Variants in EIF3A observed in about 807,000 individuals in gnomAD.
EIF3A encodes the protein EIF3, p180 subunit.
EIF3A carries 21 observed loss-of-function variants against 186.6 expected under a neutral mutation model. The ratio of observed to expected loss-of-function variants is 0.11; its 90% CI spans 0.08 to 0.16. EIF3A has a LOEUF of 0.16. EIF3A is among the 10% of genes least tolerant of loss of function. EIF3A has a pLI of 1.00. For synonymous variants in EIF3A, 563 were observed against 584.3 expected, an observed-to-expected ratio of 0.96 and a Z score of 0.52; for missense variants, 1,306 against 1,796.3, an observed-to-expected ratio of 0.73 and a Z score of 4.93.
At chr10:119,057,597 AAACCCTGTCTCTACT>A (rs2119819275) in intron 12 of EIF3A, among the ~76,000 whole-genome samples, 1 of 152,288 alleles carries the variant, frequency 6.6e-6, no homozygotes, top group African/African-American at 2.4e-5. Context: ...CAACATGGTG[AAACCCTGTCTCTACT>A]AAAAATACAA....
At chr10:119,062,743 C>CTTTTTTTTTTT (rs372690463) in intron 7 of EIF3A, among the ~76,000 whole-genome samples, 3 of 91,048 alleles carry the variant, frequency 3.3e-5, no homozygotes, top group South Asian at 4.2e-4. Flanking sequence ...AAGAGATCAC[C>CTTTTTTTTTTT]TTTTTTTTTT....
intron 14 of EIF3A, among the ~76,000 whole-genome samples, chr10:119,053,557 C>CAA (rs33979018): frequency 3.6e-5 from 4 of 110,548 alleles, no homozygotes; most frequent in Non-Finnish European, 7.4e-5. Context: ...ACTAAAAATA[C>CAA]AAAAAAAAAA....
intron 21 of EIF3A, among the ~76,000 whole-genome samples, 186 bp downstream of exon 21, chr10:119,036,933 T>C (rs1213743905): frequency 1.3e-5 from 2 of 152,168 alleles, no homozygotes; most frequent in African/African-American, 4.8e-5. Flanking sequence ...ACTTTGAATT[T>C]AGAGATAAGT....
intron 17 of EIF3A, among the ~76,000 whole-genome samples, chr10:119,045,223 G>C (rs1188052962): frequency 1.3e-5 from 2 of 152,016 alleles, no homozygotes; most frequent in Non-Finnish European, 2.9e-5. Context: ...GAGATTATAG[G>C]TGTGAGCCAC....
chr10:119,078,597 G>GT (rs1156660531), intron 1 of EIF3A, among the ~76,000 whole-genome samples: 1 of 152,010 alleles, frequency 6.6e-6, no homozygotes, highest in African/African-American at 2.4e-5. Context: ...CAATCCAAAG[G>GT]TATGAGTTTC....
intron 19 of EIF3A, among the ~76,000 whole-genome samples, chr10:119,040,558 G>A (rs1848193809): frequency 6.6e-6 from 1 of 152,210 alleles, no homozygotes; most frequent in Non-Finnish European, 1.5e-5. Context: ...TGTCACCTGT[G>A]TGCAGTACGC....
intron 1 of EIF3A, among the ~76,000 whole-genome samples, chr10:119,076,820 C>T (rs1844182025): frequency 1.3e-5 from 2 of 150,762 alleles, no homozygotes; most frequent in South Asian, 4.2e-4. Flanking sequence ...CCTGTAATCC[C>T]AAATACTCGG....
chr10:119,037,666 T>G (rs1387635533), intron 20 of EIF3A, among the ~76,000 whole-genome samples: 2 of 152,194 alleles, frequency 1.3e-5, no homozygotes, highest in African/African-American at 4.8e-5. Flanking sequence ...CATCGAACAC[T>G]GCTGGTCTAC....
chr10:119,079,957 G>A (rs1008099261), intron 1 of EIF3A, among the ~76,000 whole-genome samples: 1 of 152,112 alleles, frequency 6.6e-6, no homozygotes, highest in Non-Finnish European at 1.5e-5. Flanking sequence ...CAGGCTTTAG[G>A]ACTGCTTCTA....
At position 119,072,024 on chromosome 10, in the gene EIF3A, CAAAAA is replaced by C. The variant is rs56100757; in HGVS notation, c.541+861_541+865del. Among the ~76,000 whole-genome samples the C allele has an allele frequency of 5.8e-3, 343 of 59,478 alleles. 5 individuals carry two copies. The East Asian group carries it at 0.12, about 21-fold the overall frequency. 39.0% of individuals were successfully genotyped at this position (59,478 alleles called of 152,430 possible). ...TGGGCCACAGAGCAAGACTCTGTCTCAAAAAAAAAAAAAAAAAAAAAAGAAAGAAA... is the reference window on the plus strand; with the variant it reads ...TGGGCCACAGAGCAAGACTCTGTCTCAAAAAAAAAAAAAAAAAGAAAGAAA... On this transcript the variant is annotated intron_variant, in intron 4 of 21. Transcript: ENST00000369144.
At position 119,056,920 on chromosome 10, in the gene EIF3A, C is replaced by T. The variant is rs771100111; in HGVS notation, c.2082+16G>A. ...TTAACTTGGTATGTTAAAGGTTTAC[C>T]AACCCTTTCATTTACCTTCTTTTCT... On this transcript the variant is annotated intron_variant, in intron 13 of 21. Coordinates refer to ENST00000369144, the MANE Select transcript of EIF3A (RefSeq NM_003750.4). The T allele has an allele frequency of 6.3e-7, 1 of 1,584,402 alleles. No individual in the cohort carries two copies. The highest frequency in any genetic ancestry group is 8.7e-7 in the Non-Finnish European group (1 of 1,153,550).
chr10:119,042,736 C>G lies in EIF3A; in HGVS notation c.2784G>C (p.Arg928Ser). Reference sequence around the variant, plus strand: ...GCCGCTCTTCATCTCTTCTATGAGACCTGTCCTCATCTCGCCCTTCTCCAC... The same window carrying G: ...GCCGCTCTTCATCTCTTCTATGAGAGCTGTCCTCATCTCGCCCTTCTCCAC... ...WRRGEGRDED[R>S]SHRRDEERPR... Residue 928 changes from arginine to serine, a missense_variant, in exon 19 of 22, where the codon AGG becomes AGC. Arg to Ser is a moderately radical substitution (Grantham distance 110). Around this residue, in one of 8 missense-constraint regions of EIF3A, gnomAD observed 410 missense variants for 473.5 expected, o/e 0.87. Transcript: ENST00000369144. This position sits in a 1 kb window ranked among gnomAD's most constrained non-coding sequence, Gnocchi z 7.8. 6.2e-7 allele frequency: 1 copy of G among 1,612,596 alleles called. No individual in the cohort carries two copies.
At position 119,038,282 on chromosome 10, in the gene EIF3A, G is replaced by A; in HGVS notation, c.3684C>T (p.Asp1228=). The A allele has an allele frequency of 6.2e-7, 1 of 1,613,934 alleles. No individual in the cohort carries two copies. The highest frequency in any genetic ancestry group is 8.5e-7 in the Non-Finnish European group (1 of 1,179,958). The change falls in exon 20 of 22, where the codon GAC becomes GAT. Residue 1228 remains aspartate (D), a synonymous_variant. Coordinates refer to ENST00000369144, the MANE Select transcript of EIF3A (RefSeq NM_003750.4). ...CCTCTCGATCCACATCTCTCTCTCT[G>A]TCCCTTTCTCTCTCAGGGTCCTTGT... ...ENDKDPERER[D]RERDVDREDR... is the part of the protein sequence containing the mutation.
chr10:119,071,574 T>C (rs563836523), intron 4 of EIF3A, among the ~76,000 whole-genome samples: 92 of 152,322 alleles, frequency 6.0e-4, no homozygotes, highest in Non-Finnish European at 1.0e-3. Flanking sequence ...CGTTAATTTT[T>C]TTACCGTCAC....
Position 119,042,885 on chromosome 10 carries a change from GCTC to G in EIF3A, c.2748-116_2748-114del, listed in dbSNP as rs1848232185. The G allele has an allele frequency of 9.0e-7, 1 of 1,111,292 alleles. No individual in the cohort carries two copies. Among genetic ancestry groups the G allele is most frequent in the Non-Finnish European group, 1.2e-6 (1 of 803,224 alleles). The allele number at this position is 1,111,292 out of a possible 1,614,324, so 68.8% of individuals were successfully genotyped here. ...AACTTCAGTATGGGCCGGAGCAGTGGCTCGCACCTTTAATCCCAGCACTCTGGG... is the reference window on the plus strand; with the variant it reads ...AACTTCAGTATGGGCCGGAGCAGTGGGCACCTTTAATCCCAGCACTCTGGG... On this transcript the variant is annotated intron_variant, in intron 18 of 21. Transcript: ENST00000369144. The surrounding 1 kb of genome is among the most constrained non-coding windows in gnomAD (Gnocchi z 7.8).
At chr10:119,045,353 G>A (rs571587325) in intron 17 of EIF3A, among the ~76,000 whole-genome samples, 2 of 152,264 alleles carry the variant, frequency 1.3e-5, no homozygotes, top group South Asian at 2.1e-4. Flanking sequence ...ATTCGTCCCG[G>A]GTCATCACAG....
chr10:119,041,870 A>G, intron 19 of EIF3A, 124 bp downstream of exon 19: 1 of 1,060,302 alleles, frequency 9.4e-7, no homozygotes, highest in Non-Finnish European at 1.4e-6. Flanking sequence ...ACTGCAAATG[A>G]TACTGAAGGA....
chr10:119,076,322 CAAA>C lies in EIF3A; in HGVS notation c.50-2388_50-2386del, dbSNP rs10712381. Among the ~76,000 whole-genome samples the C allele has an allele frequency of 8.0e-3, 919 of 114,388 alleles. 14 individuals are homozygous for C. Among genetic ancestry groups the C allele is most frequent in the African/African-American group, 0.026 (829 of 31,350 alleles). The allele number at this position is 114,388 out of a possible 152,430, so 75.0% of individuals were successfully genotyped here. A position where few individuals can be genotyped will look rare whatever the true frequency, so the allele number is the denominator to read the frequency against. On this transcript the variant is annotated intron_variant, in intron 1 of 21. Transcript: ENST00000369144. ...TACTCCAGCCTGGGCAACAAGTCTC[CAAA>C]AAAAAAAAAAAAAAGTTTGCTACAG...
chr10:119,065,332 T>G, intron 7 of EIF3A, 67 bp downstream of exon 7: 7 of 1,131,406 alleles, frequency 6.2e-6, no homozygotes, highest in Non-Finnish European at 9.1e-6. Context: ...TATTTAATCA[T>G]GAGTTATTAA....
Sources: gnomAD v4.1 joint callset for allele counts (sites outside exome capture counted in the v4.1 genomes callset) on GRCh38, gnomAD v4.1.1 for gene constraint, gnomAD v4.1.1 regional missense constraint, Gnocchi (gnomAD v3.1) non-coding constraint, MANE v1.5 for transcripts, NCBI Gene and HGNC (gene_info 2026-07-23, HGNC 2026-07-21) for gene names.